MYO16: variants seen among roughly 807,000 people sequenced by gnomAD.
MYO16 encodes the protein unconventional myosin-XVI.
MYO16 carries 94 observed loss-of-function variants against 205.3 expected under a neutral mutation model. The observed-to-expected ratio is 0.46, with a 90% CI of 0.39 to 0.54. MYO16 has a LOEUF of 0.54. Ranked by LOEUF, MYO16 falls within the 20% of genes least tolerant of loss-of-function variation. MYO16 has a pLI of 0.00. For missense variants in MYO16, 2,315 were observed against 2,387.5 expected (o/e 0.97, Z 0.63); for synonymous variants, 988 against 954.0 (o/e 1.04, Z -0.66).
At chr13:109,143,181 T>C (rs986282947) in intron 32 of MYO16, among the ~76,000 whole-genome samples, 24 of 152,112 alleles carry the variant, frequency 1.6e-4, no homozygotes, top group African/African-American at 5.8e-4. Flanking sequence ...AGAAAATACA[T>C]AAATGTGTAA....
At chr13:108,979,207 T>C (rs1021694405) in intron 20 of MYO16, among the ~76,000 whole-genome samples, 6 of 152,004 alleles carry the variant, frequency 3.9e-5, no homozygotes, top group African/African-American at 1.2e-4. Context: ...ATTATATCCT[T>C]CTTTTTCCTT....
chr13:109,155,958 T>C (rs1877996594), intron 32 of MYO16, among the ~76,000 whole-genome samples: 2 of 152,192 alleles, frequency 1.3e-5, no homozygotes, highest in African/African-American at 2.4e-5. Flanking sequence ...AAGAAAATTC[T>C]ATCATGTAAA....
intron 12 of MYO16, among the ~76,000 whole-genome samples, chr13:108,879,994 C>T (rs1469038808): frequency 1.3e-5 from 2 of 152,150 alleles, no homozygotes; most frequent in Non-Finnish European, 2.9e-5. Flanking sequence ...TAAAAGTGTT[C>T]CTATTTCTCC....
At chr13:108,772,696 T>C (rs188817033) in intron 4 of MYO16, among the ~76,000 whole-genome samples, 134 of 152,326 alleles carry the variant, frequency 8.8e-4, no homozygotes, top group African/African-American at 3.2e-3. Context: ...TTTCTGGTTT[T>C]GATCACTGTT....
At chr13:108,950,541 A>G (rs1243524223) in intron 16 of MYO16, among the ~76,000 whole-genome samples, 2 of 152,218 alleles carry the variant, frequency 1.3e-5, no homozygotes, top group African/African-American at 4.8e-5. Context: ...TTGTGACAGC[A>G]TCAAATGCTG....
chr13:109,145,193 C>T (rs564609171), intron 32 of MYO16, among the ~76,000 whole-genome samples: 2 of 152,214 alleles, frequency 1.3e-5, no homozygotes, highest in Admixed American at 1.3e-4. Context: ...GCATCTTCTC[C>T]ACTTATCTCC....
intron 34 of MYO16, among the ~76,000 whole-genome samples, chr13:109,180,949 G>A (rs1232255232): frequency 6.6e-6 from 1 of 152,054 alleles, no homozygotes. Context: ...CACAACGCTG[G>A]GCCATCTGAC....
intron 16 of MYO16, among the ~76,000 whole-genome samples, chr13:108,942,610 G>A (rs990974395): frequency 6.6e-6 from 1 of 152,046 alleles, no homozygotes; most frequent in Non-Finnish European, 1.5e-5. Flanking sequence ...ATAAAATGTG[G>A]TATATGTATA....
chr13:108,765,546 T>C (rs893867646), intron 4 of MYO16, among the ~76,000 whole-genome samples: 5 of 152,178 alleles, frequency 3.3e-5, no homozygotes, highest in Non-Finnish European at 5.9e-5. Context: ...TTTTACTCAT[T>C]TTACACTAAA....
chr13:109,018,049 T>A (rs545424550), intron 22 of MYO16, among the ~76,000 whole-genome samples: 2 of 152,208 alleles, frequency 1.3e-5, no homozygotes, highest in African/African-American at 4.8e-5. Flanking sequence ...AGGGGTGCTC[T>A]GGTTTTTAGA....
intron 22 of MYO16, among the ~76,000 whole-genome samples, chr13:109,018,693 G>A (rs747364100): frequency 7.9e-5 from 12 of 152,128 alleles, no homozygotes; most frequent in Admixed American, 1.3e-4. Context: ...ATATTTGGGC[G>A]GGAGTACCCC....
intron 15 of MYO16, among the ~76,000 whole-genome samples, chr13:108,906,653 G>A (rs1880992652): frequency 6.6e-6 from 1 of 152,198 alleles, no homozygotes; most frequent in African/African-American, 2.4e-5. Flanking sequence ...GGGCTTAAAT[G>A]TGAAAAGGCC....
At chr13:108,696,452 C>A (rs1418405666) in intron 2 of MYO16, among the ~76,000 whole-genome samples, 1 of 152,154 alleles carries the variant, frequency 6.6e-6, no homozygotes, top group East Asian at 1.9e-4. Flanking sequence ...ATAGATTTCA[C>A]AAACACAAGA....
chr13:108,871,757 C>T (rs1309228030), intron 12 of MYO16, among the ~76,000 whole-genome samples: 3 of 152,108 alleles, frequency 2.0e-5, no homozygotes, highest in African/African-American at 7.2e-5. Context: ...TGCTGAGAGA[C>T]ACTCAGCACA....
intron 1 of MYO16, among the ~76,000 whole-genome samples, chr13:108,622,283 T>G (rs1443030373): frequency 6.6e-6 from 1 of 152,198 alleles, no homozygotes; most frequent in Non-Finnish European, 1.5e-5. Flanking sequence ...ATGGTTGGAA[T>G]TGTACTTGTT....
chr13:108,979,318 G>A lies in MYO16; in HGVS notation c.2370-13058G>A, dbSNP rs112677365. On this transcript the variant is annotated intron_variant, in intron 20 of 34. Transcript: ENST00000457511. ...TGATGTTTTTTCCTGAGTCTATAAA[G>A]TATCATCTCCTAAATACCTCTTAGT... Among the ~76,000 whole-genome samples the A allele has an allele frequency of 8.4e-3, 1,277 of 151,658 alleles. 14 individuals carry two copies. Among genetic ancestry groups the A allele is most frequent in the African/African-American group, 0.029 (1,195 of 41,380 alleles).
chr13:108,578,311 G>A, the MYO16 span, among the ~76,000 whole-genome samples: 1 of 152,134 alleles, frequency 6.6e-6, no homozygotes, highest in Non-Finnish European at 1.5e-5. Flanking sequence ...GCCATTTGAA[G>A]AGTGAAAACC....
At chr13:108,585,523 G>A in the MYO16 span, among the ~76,000 whole-genome samples, 1 of 152,134 alleles carries the variant, frequency 6.6e-6, no homozygotes, top group African/African-American at 2.4e-5. Context: ...ACTTAAACGG[G>A]TGCCTGGCTC....
chr13:108,700,351 GAAGAAGAA>G (rs1482633600), intron 2 of MYO16, among the ~76,000 whole-genome samples: 1 of 117,070 alleles, frequency 8.5e-6, no homozygotes, highest in Non-Finnish European at 1.7e-5. Context: ...AAAAAAAAAA[GAAGAAGAA>G]GAAGAAGAAG....
Sources: gnomAD v4.1 joint callset for allele counts (sites outside exome capture counted in the v4.1 genomes callset) on GRCh38, gnomAD v4.1.1 for gene constraint, MANE v1.5 for transcripts, NCBI Gene and HGNC (gene_info 2026-07-23, HGNC 2026-07-21) for gene names.